The following KAZN variants were observed in gnomAD, a reference collection of about 807,000 sequenced individuals.
KAZN encodes the protein kazrin.
A neutral mutation model predicts 87.4 loss-of-function variants in KAZN; 40 were observed. The ratio of observed to expected loss-of-function variants is 0.46; its 90% CI spans 0.36 to 0.60. The LOEUF (loss-of-function observed/expected upper bound fraction) is 0.60. Among genes scored for constraint, KAZN ranks in the 20% least tolerant of loss-of-function variants. The probability of loss-of-function intolerance (pLI) is 0.00; values close to 1 mark genes in which losing one functional copy is unlikely to be tolerated. For missense variants in KAZN, 898 were observed against 1,073.9 expected, an observed-to-expected ratio of 0.84 and a Z score of 2.29; for synonymous variants, 466 against 458.3, an observed-to-expected ratio of 1.02 and a Z score of -0.22.
intron 2 of KAZN, among the ~76,000 whole-genome samples, chr1:14,545,479 C>T (rs1673083954): frequency 6.6e-6 from 1 of 152,150 alleles, no homozygotes; most frequent in South Asian, 2.1e-4. Context: ...ACCCACAATA[C>T]TTCATCAGTA....
intron 1 of KAZN, among the ~76,000 whole-genome samples, chr1:14,746,069 T>C (rs1644252835): frequency 6.6e-6 from 1 of 152,138 alleles, no homozygotes; most frequent in Admixed American, 6.5e-5. Flanking sequence ...GAACTTTAAC[T>C]GGTTGGGTTT....
At chr1:14,867,818 A>G (rs1328614832) in intron 1 of KAZN, among the ~76,000 whole-genome samples, 1 of 144,296 alleles carries the variant, frequency 6.9e-6, no homozygotes, top group Admixed American at 7.5e-5. Context: ...GTCCCTGGCT[A>G]TGTCCTCAGC....
intron 1 of KAZN, among the ~76,000 whole-genome samples, chr1:14,843,226 C>G (rs1430197452): frequency 6.6e-6 from 1 of 152,176 alleles, no homozygotes; most frequent in Non-Finnish European, 1.5e-5. Context: ...ATACTAGACT[C>G]AAGGCAGTGT....
intron 2 of KAZN, among the ~76,000 whole-genome samples, chr1:14,188,841 C>T (rs946570991): frequency 1.3e-5 from 2 of 152,078 alleles, no homozygotes; most frequent in Non-Finnish European, 2.9e-5. Context: ...CAATATCAGA[C>T]TTTTTTCTTA....
chr1:13,992,750 T>A (rs35253344), intron 1 of KAZN, among the ~76,000 whole-genome samples: 22,242 of 151,976 alleles, frequency 0.15, 1,751 homozygotes, highest in Middle Eastern at 0.2. Flanking sequence ...TGCCTTCTCA[T>A]TGGGGGTGGA....
chr1:14,343,176 A>T (rs1028109770), intron 2 of KAZN, among the ~76,000 whole-genome samples: 50 of 151,900 alleles, frequency 3.3e-4, no homozygotes, highest in Non-Finnish European at 6.2e-4. Context: ...ACAACAAAAA[A>T]CTTTCGTATG....
chr1:14,526,698 C>T (rs1413476445), intron 2 of KAZN, among the ~76,000 whole-genome samples: 1 of 125,610 alleles, frequency 8.0e-6, no homozygotes, highest in East Asian at 2.2e-4. Context: ...CACCGTCTCT[C>T]TGGATATCAA....
intron 2 of KAZN, among the ~76,000 whole-genome samples, chr1:14,397,384 G>A (rs1266960902): frequency 6.6e-6 from 1 of 152,164 alleles, no homozygotes; most frequent in African/African-American, 2.4e-5. Flanking sequence ...TGCAGAGAGA[G>A]AGAATTTTGT....
At chr1:14,319,687 A>G (rs1440393608) in intron 2 of KAZN, among the ~76,000 whole-genome samples, 1 of 152,194 alleles carries the variant, frequency 6.6e-6, no homozygotes, top group Non-Finnish European at 1.5e-5. Flanking sequence ...ACATCAGGGC[A>G]GCCATGAGGC....
chr1:14,236,037 T>A (rs946997787), intron 2 of KAZN, among the ~76,000 whole-genome samples: 2 of 152,180 alleles, frequency 1.3e-5, no homozygotes, highest in African/African-American at 2.4e-5. Context: ...TTATCTAATA[T>A]CATCCTAAAA....
intron 4 of KAZN, among the ~76,000 whole-genome samples, chr1:15,053,495 C>T (rs573007884): frequency 3.3e-4 from 50 of 152,368 alleles, no homozygotes; most frequent in Admixed American, 5.2e-4. Flanking sequence ...GTTCTTACAG[C>T]ATGCATCCTG....
chr1:14,133,372 A>C lies in KAZN; in HGVS notation c.92-47063A>C, dbSNP rs1188133859. On this transcript the variant is annotated intron_variant, in intron 1 of 16. Transcript: ENST00000636203. ...CAGAGTGAGACTCCCTCTCAAAAAA[A>C]AAAAAAAAGAAAGAAAGAAAGAAAG... Among the ~76,000 whole-genome samples, 98 of 79,062 alleles carry C rather than the reference A, an allele frequency of 1.2e-3. 7 individuals carry two copies. The highest frequency in any genetic ancestry group is 6.3e-3 in the African/African-American group (96 of 15,314). The allele number at this position is 79,062 out of a possible 152,430, so 51.9% of individuals were successfully genotyped here. A position where few individuals can be genotyped will look rare whatever the true frequency, so the allele number is the denominator to read the frequency against.
intron 1 of KAZN, among the ~76,000 whole-genome samples, chr1:14,717,932 C>A (rs1182173590): frequency 6.6e-6 from 1 of 152,218 alleles, no homozygotes; most frequent in African/African-American, 2.4e-5. Context: ...CTGTTCCCAG[C>A]CTGCTCTCTT....
chr1:14,335,690 G>C (rs1457840226), intron 2 of KAZN, among the ~76,000 whole-genome samples: 1 of 152,026 alleles, frequency 6.6e-6, no homozygotes, highest in African/African-American at 2.4e-5. Context: ...AAATTACCCA[G>C]CCTCAGGTAT....
chr1:13,930,254 C>T (rs904087372), intron 1 of KAZN, among the ~76,000 whole-genome samples: 5 of 152,284 alleles, frequency 3.3e-5, no homozygotes, highest in South Asian at 4.1e-4. Flanking sequence ...CCAAGTCTCA[C>T]GTTTCTGCTA....
intron 2 of KAZN, among the ~76,000 whole-genome samples, chr1:14,582,240 G>A (rs1046089241): frequency 6.6e-6 from 1 of 152,114 alleles, no homozygotes; most frequent in Non-Finnish European, 1.5e-5. Context: ...ACCCCAGCCA[G>A]GTCTGCCTGA....
At chr1:14,374,123 A>AC (rs1660717321) in intron 2 of KAZN, among the ~76,000 whole-genome samples, 1 of 152,178 alleles carries the variant, frequency 6.6e-6, no homozygotes, top group Admixed American at 6.5e-5. Context: ...CACTTCTCAG[A>AC]CCAAACCCTG....
chr1:14,798,663 C>T (rs957044064), intron 1 of KAZN, among the ~76,000 whole-genome samples: 4 of 151,884 alleles, frequency 2.6e-5, no homozygotes, highest in Non-Finnish European at 5.9e-5. Context: ...CTCGATCTCC[C>T]GACCTCATGA....
chr1:14,515,784 C>A (rs1332547062), intron 2 of KAZN, among the ~76,000 whole-genome samples: 1 of 152,114 alleles, frequency 6.6e-6, no homozygotes, highest in Non-Finnish European at 1.5e-5. Flanking sequence ...CGTTTTATAA[C>A]CTATCAGTCT....
Sources: allele counts gnomAD v4.1 joint callset (sites outside exome capture counted in the v4.1 genomes callset), GRCh38; gene constraint gnomAD v4.1.1; transcripts MANE v1.5; gene names NCBI Gene and HGNC (gene_info 2026-07-23, HGNC 2026-07-21).